The following GPR39 variants were observed in gnomAD, a reference collection of about 807,000 sequenced individuals.
GPR39 encodes zinc sensing receptor.
Under a neutral mutation model 18.4 loss-of-function variants are expected in GPR39, and 23 were observed. The ratio of observed to expected loss-of-function variants is 1.25; its 90% CI spans 0.90 to 1.77. GPR39 has a LOEUF of 1.77. GPR39 is among the 40% of genes most tolerant of loss of function. GPR39 has a pLI of 0.00. For missense variants in GPR39, 647 were observed against 602.4 expected, an observed-to-expected ratio of 1.07 and a Z score of -0.78; for synonymous variants, 280 against 257.9, an observed-to-expected ratio of 1.09 and a Z score of -0.82.
At chr2:132,626,284 G>A (rs1236399330) in intron 1 of GPR39, among the ~76,000 whole-genome samples, 1 of 152,148 alleles carries the variant, frequency 6.6e-6, no homozygotes, top group East Asian at 1.9e-4. Context: ...CATGTACAGG[G>A]TCATTGGAGG....
chr2:132,511,303 T>A (rs1679237069), intron 1 of GPR39, among the ~76,000 whole-genome samples: 1 of 152,146 alleles, frequency 6.6e-6, no homozygotes, highest in African/African-American at 2.4e-5. Context: ...TAATCTAAAG[T>A]AAATTAAACT....
At chr2:132,622,477 T>G (rs552116461) in intron 1 of GPR39, among the ~76,000 whole-genome samples, 2 of 152,288 alleles carry the variant, frequency 1.3e-5, no homozygotes, top group East Asian at 3.9e-4. Context: ...AGGGAAACAG[T>G]CTCAGGAAAT....
intron 1 of GPR39, among the ~76,000 whole-genome samples, chr2:132,551,669 A>G (rs997524479): frequency 1.6e-4 from 24 of 152,232 alleles, no homozygotes; most frequent in African/African-American, 5.8e-4. Context: ...CCAGACATTT[A>G]TAGAGCCCAA....
intron 1 of GPR39, among the ~76,000 whole-genome samples, chr2:132,624,121 C>T (rs908225068): frequency 5.3e-5 from 8 of 152,286 alleles, no homozygotes; most frequent in East Asian, 1.9e-4. Context: ...CTCACAATTC[C>T]GGAGGCTAAA....
chr2:132,563,748 C>T (rs1005796550), intron 1 of GPR39, among the ~76,000 whole-genome samples: 14 of 152,160 alleles, frequency 9.2e-5, no homozygotes, highest in African/African-American at 3.4e-4. Flanking sequence ...GGGAGTGGGG[C>T]CCTGGCATTG....
chr2:132,513,158 T>C (rs559670428), intron 1 of GPR39, among the ~76,000 whole-genome samples: 17 of 152,042 alleles, frequency 1.1e-4, no homozygotes, highest in Non-Finnish European at 1.6e-4. Flanking sequence ...GTCCCAGGAG[T>C]GACCATTCCA....
chr2:132,454,921 G>A (rs948717097), intron 1 of GPR39, among the ~76,000 whole-genome samples: 3 of 152,140 alleles, frequency 2.0e-5, no homozygotes, highest in Non-Finnish European at 4.4e-5. Flanking sequence ...ATGTTCATCA[G>A]GGATATTGGT....
At chr2:132,432,256 C>T (rs1680237039) in intron 1 of GPR39, among the ~76,000 whole-genome samples, 1 of 152,188 alleles carries the variant, frequency 6.6e-6, no homozygotes, top group African/African-American at 2.4e-5. Flanking sequence ...AGGTTGCAAA[C>T]TGCTGACTTC....
At chr2:132,577,616 T>C (rs1481701406) in intron 1 of GPR39, among the ~76,000 whole-genome samples, 1 of 152,224 alleles carries the variant, frequency 6.6e-6, no homozygotes, top group Admixed American at 6.5e-5. Context: ...GTTGGATTTA[T>C]ATATAAATAT....
At chr2:132,579,181 C>T (rs1399434139) in intron 1 of GPR39, among the ~76,000 whole-genome samples, 1 of 150,890 alleles carries the variant, frequency 6.6e-6, no homozygotes, top group Non-Finnish European at 1.5e-5. Flanking sequence ...TCATGCAGTA[C>T]AATCAGTGTA....
At chr2:132,519,653 G>T (rs529958769) in intron 1 of GPR39, among the ~76,000 whole-genome samples, 1 of 152,078 alleles carries the variant, frequency 6.6e-6, no homozygotes, top group Non-Finnish European at 1.5e-5. Flanking sequence ...CCAGGATAGG[G>T]GCATGGGGGA....
intron 1 of GPR39, among the ~76,000 whole-genome samples, chr2:132,566,340 A>C (rs1680349848): frequency 6.7e-6 from 1 of 149,712 alleles, no homozygotes; most frequent in African/African-American, 2.5e-5. Context: ...ATTTTCTCCC[A>C]TGTTGTAGGT....
chr2:132,562,049 T>G (rs1680263212), intron 1 of GPR39, among the ~76,000 whole-genome samples: 1 of 152,144 alleles, frequency 6.6e-6, no homozygotes, highest in Admixed American at 6.5e-5. Flanking sequence ...TCCAGTCAAG[T>G]TAACCCAGAA....
chr2:132,528,800 G>A (rs917126870), intron 1 of GPR39, among the ~76,000 whole-genome samples: 1 of 152,144 alleles, frequency 6.6e-6, no homozygotes, highest in African/African-American at 2.4e-5. Flanking sequence ...CTGAAACTTT[G>A]CTGAAGTTTT....
chr2:132,450,444 A>G (rs1166636526), intron 1 of GPR39, among the ~76,000 whole-genome samples: 1 of 152,202 alleles, frequency 6.6e-6, no homozygotes, highest in African/African-American at 2.4e-5. Flanking sequence ...ATTTTTTAAC[A>G]TATTTACCTT....
At chr2:132,492,799 T>C (rs1681516590) in intron 1 of GPR39, among the ~76,000 whole-genome samples, 2 of 140,206 alleles carry the variant, frequency 1.4e-5, no homozygotes, top group Admixed American at 1.5e-4. Flanking sequence ...ATACCATATA[T>C]ACCATATATA....
chr2:132,625,107 T>G (rs1681517817), intron 1 of GPR39, among the ~76,000 whole-genome samples: 1 of 151,972 alleles, frequency 6.6e-6, no homozygotes, highest in African/African-American at 2.4e-5. Context: ...ATGGCTTTTT[T>G]ACTTCTACAT....
chr2:132,442,626 A>C (rs920637162), intron 1 of GPR39, among the ~76,000 whole-genome samples: 6 of 152,242 alleles, frequency 3.9e-5, no homozygotes, highest in Non-Finnish European at 8.8e-5. Flanking sequence ...AGATTTAAGC[A>C]GCAAAACTGC....
At chr2:132,571,254 T>C (rs986690402) in intron 1 of GPR39, among the ~76,000 whole-genome samples, 6 of 152,220 alleles carry the variant, frequency 3.9e-5, no homozygotes, top group Non-Finnish European at 5.9e-5. Context: ...ATCCTAAGAC[T>C]GAGCATAAGA....
Sources: allele counts gnomAD v4.1 joint callset (sites outside exome capture counted in the v4.1 genomes callset), GRCh38; gene constraint gnomAD v4.1.1; transcripts MANE v1.5; gene names NCBI Gene and HGNC (gene_info 2026-07-23, HGNC 2026-07-21).